Variants in TENM4 observed in about 807,000 individuals in gnomAD.
The protein encoded by TENM4 is teneurin-4.
Under a neutral mutation model 243.3 loss-of-function variants are expected in TENM4, and 82 were observed. The observed-to-expected ratio is 0.34, with a 90% CI of 0.28 to 0.40. TENM4 has a LOEUF of 0.40. TENM4 is among the 10% of genes least tolerant of loss of function. The probability of loss-of-function intolerance (pLI) is 1.00; values close to 1 mark genes in which losing one functional copy is unlikely to be tolerated. For synonymous variants in TENM4, 1,412 were observed against 1,456.3 expected (o/e 0.97, Z 0.69); for missense variants, 3,138 against 3,673.3 (o/e 0.85, Z 3.77).
chr11:79,243,809 G>C lies in TENM4; in HGVS notation c.-264-27900C>G, dbSNP rs533102537. Among the ~76,000 whole-genome samples, 5 of 152,358 alleles carry C rather than the reference G, an allele frequency of 3.3e-5. No homozygotes were observed. In the South Asian group the frequency reaches 1.0e-3, roughly 32 times the overall value. On this transcript the variant is annotated intron_variant, in intron 2 of 33. Coordinates refer to ENST00000278550, the MANE Select transcript of TENM4 (RefSeq NM_001098816.3). Reference sequence around the variant, plus strand: ...CTCAGATAAGTCATGTGCCAGCCAAGAGCAGGCGGCAACTGAGAGGCAGAG... The same window carrying C: ...CTCAGATAAGTCATGTGCCAGCCAACAGCAGGCGGCAACTGAGAGGCAGAG...
intron 4 of TENM4, among the ~76,000 whole-genome samples, chr11:79,138,333 T>TATATAATATATAAAA (rs1862156705): frequency 1.3e-5 from 1 of 77,016 alleles, no homozygotes; most frequent in African/African-American, 5.4e-5. Context: ...ATATATATTA[T>TATATAATATATAAAA]ATATATAATA....
At position 79,286,054 on chromosome 11, in the gene TENM4, T is replaced by G. The variant is rs534021424; in HGVS notation, c.-265+11434A>C. On this transcript the variant is annotated intron_variant, in intron 2 of 33. Transcript: ENST00000278550. The stretch of plus-strand genomic sequence containing the variant: ...TAGCACGTGAATTATATCTCAATAA[T>G]GCTGCTACAGAAAACGTATGCAAGA... Among the ~76,000 whole-genome samples the G allele has an allele frequency of 2.6e-5, 4 of 152,288 alleles. No homozygotes were observed. In the South Asian group the frequency reaches 8.3e-4, roughly 32 times the overall value.
At chr11:78,883,540 G>A (rs909643241) in intron 9 of TENM4, among the ~76,000 whole-genome samples, 4 of 152,184 alleles carry the variant, frequency 2.6e-5, no homozygotes, top group Admixed American at 6.5e-5. Flanking sequence ...GTCCTCTCAG[G>A]TCTTCATTTA....
chr11:78,868,552 GA>G (rs960348033), intron 9 of TENM4, among the ~76,000 whole-genome samples: 1 of 152,164 alleles, frequency 6.6e-6, no homozygotes, highest in African/African-American at 2.4e-5. Context: ...TGTCCAGTGA[GA>G]CATGAGAGAT....
intron 12 of TENM4, among the ~76,000 whole-genome samples, chr11:78,841,378 C>T (rs1858255368): frequency 6.6e-6 from 1 of 152,222 alleles, no homozygotes; most frequent in Non-Finnish European, 1.5e-5. Flanking sequence ...TGCCTTCACA[C>T]AGAAGGGAAC....
chr11:79,046,012 TG>T (rs1404456036), intron 6 of TENM4, among the ~76,000 whole-genome samples: 3 of 152,250 alleles, frequency 2.0e-5, no homozygotes, highest in Non-Finnish European at 4.4e-5. Flanking sequence ...CGAGAGCATC[TG>T]CACTTTGCAC....
intron 33 of TENM4, among the ~76,000 whole-genome samples, chr11:78,660,534 T>C (rs937366083): frequency 4.6e-5 from 7 of 152,146 alleles, no homozygotes; most frequent in African/African-American, 1.4e-4. Flanking sequence ...GAGATAGCTA[T>C]GCTGAGGCCT....
chr11:78,947,760 A>G (rs1018369435), intron 6 of TENM4, among the ~76,000 whole-genome samples: 15 of 151,986 alleles, frequency 9.9e-5, no homozygotes, highest in African/African-American at 3.1e-4. Context: ...CAGAAGGGCT[A>G]TTTCTGGGGT....
At chr11:79,149,800 T>A (rs1218269084) in intron 3 of TENM4, among the ~76,000 whole-genome samples, 1 of 152,166 alleles carries the variant, frequency 6.6e-6, no homozygotes, top group Non-Finnish European at 1.5e-5. Context: ...TAATAAGGTA[T>A]GTGAGCAATA....
intron 28 of TENM4, among the ~76,000 whole-genome samples, chr11:78,694,228 T>C (rs776430341): frequency 9.2e-5 from 14 of 152,216 alleles, no homozygotes; most frequent in Non-Finnish European, 1.8e-4. Flanking sequence ...AAGATTTGAT[T>C]TGTATGACTT....
At chr11:79,104,396 C>A (rs1861310401) in intron 4 of TENM4, among the ~76,000 whole-genome samples, 1 of 152,232 alleles carries the variant, frequency 6.6e-6, no homozygotes, top group Admixed American at 6.5e-5. Flanking sequence ...TCCTTCTAGA[C>A]ATTTTCTGCA....
intron 2 of TENM4, among the ~76,000 whole-genome samples, chr11:79,234,693 T>G (rs768879296): frequency 1.3e-5 from 2 of 152,184 alleles, no homozygotes; most frequent in African/African-American, 2.4e-5. Context: ...ATGGGTCTCA[T>G]CCTTTTAAGT....
intron 6 of TENM4, among the ~76,000 whole-genome samples, chr11:78,928,939 A>T (rs1359840251): frequency 6.6e-6 from 1 of 152,230 alleles, no homozygotes; most frequent in East Asian, 1.9e-4. Flanking sequence ...TTGTGTCTGC[A>T]TCTTGCAGAA....
intron 15 of TENM4, among the ~76,000 whole-genome samples, chr11:78,790,528 CACA>C (rs1487261851): frequency 1.3e-5 from 2 of 152,204 alleles, no homozygotes; most frequent in Non-Finnish European, 2.9e-5. Flanking sequence ...ATTGAACTAT[CACA>C]ACAAGGCTGT....
chr11:78,833,026 G>T (rs1858018470), intron 12 of TENM4, among the ~76,000 whole-genome samples: 1 of 152,210 alleles, frequency 6.6e-6, no homozygotes, highest in African/African-American at 2.4e-5. Flanking sequence ...GGTGCTAAGT[G>T]AGGAGATGTA....
intron 4 of TENM4, among the ~76,000 whole-genome samples, chr11:79,133,396 G>T (rs1162078884): frequency 2.0e-5 from 3 of 152,118 alleles, no homozygotes; most frequent in Non-Finnish European, 4.4e-5. Flanking sequence ...GCACCAGATG[G>T]ATTCACAGCA....
At chr11:78,909,445 G>A (rs60174275) in intron 6 of TENM4, among the ~76,000 whole-genome samples, 1,757 of 152,314 alleles carry the variant, frequency 0.012, 34 homozygotes, top group African/African-American at 0.04. Flanking sequence ...CCTTTAATTG[G>A]TGGAGCCAGA....
At chr11:79,083,010 C>G (rs980160749) in intron 4 of TENM4, among the ~76,000 whole-genome samples, 1 of 151,636 alleles carries the variant, frequency 6.6e-6, no homozygotes, top group South Asian at 2.1e-4. Flanking sequence ...GGGCCAGTCT[C>G]TCATGGAGCT....
At chr11:78,955,791 G>C (rs1857197554) in intron 6 of TENM4, among the ~76,000 whole-genome samples, 1 of 152,188 alleles carries the variant, frequency 6.6e-6, no homozygotes, top group Admixed American at 6.5e-5. Flanking sequence ...AGTCACCAGA[G>C]TTTCCCAGAG....
Sources: gnomAD v4.1 joint callset for allele counts (sites outside exome capture counted in the v4.1 genomes callset) on GRCh38, gnomAD v4.1.1 for gene constraint, MANE v1.5 for transcripts, NCBI Gene and HGNC (gene_info 2026-07-23, HGNC 2026-07-21) for gene names.